GABRA5: variants seen among roughly 807,000 people sequenced by gnomAD.
GABRA5 encodes the protein gamma-aminobutyric acid receptor subunit alpha-5.
Under a neutral mutation model 47.3 loss-of-function variants are expected in GABRA5, and 18 were observed. That is an observed-to-expected ratio of 0.38 (90% CI 0.26 to 0.56). The LOEUF is 0.56. GABRA5 is among the 20% of genes least tolerant of loss of function. GABRA5 has a pLI of 0.71. For missense variants in GABRA5, 365 were observed against 599.3 expected (o/e 0.61, Z 4.08); for synonymous variants, 237 against 229.3 (o/e 1.03, Z -0.30).
intron 6 of GABRA5, among the ~76,000 whole-genome samples, chr15:26,907,197 G>A (rs1893465273): frequency 6.6e-6 from 1 of 152,096 alleles, no homozygotes; most frequent in Admixed American, 6.5e-5. Flanking sequence ...TTAAAAAGGA[G>A]ACACTTTGTT....
chr15:26,882,238 G>A (rs1892745750), intron 4 of GABRA5, among the ~76,000 whole-genome samples: 1 of 152,192 alleles, frequency 6.6e-6, no homozygotes, highest in Non-Finnish European at 1.5e-5. Context: ...CAGTCCTACA[G>A]AGTAGGAGGA....
intron 6 of GABRA5, among the ~76,000 whole-genome samples, chr15:26,889,433 C>T (rs1892952530): frequency 6.6e-6 from 1 of 151,812 alleles, no homozygotes. Context: ...GTATAGCTAG[C>T]TGCAGTCTGT....
At chr15:26,934,651 T>C (rs1431445266) in intron 7 of GABRA5, among the ~76,000 whole-genome samples, 4 of 37,878 alleles carry the variant, frequency 1.1e-4, no homozygotes, top group Non-Finnish European at 2.4e-4. Flanking sequence ...TATTAGGAGA[T>C]GGGGGTTTTT....
At position 26,921,805 on chromosome 15, in the gene GABRA5, C is replaced by T. The variant is rs182867907; in HGVS notation, c.580+6920C>T. On this transcript the variant is annotated intron_variant, in intron 7 of 10. Coordinates refer to ENST00000335625, the MANE Select transcript of GABRA5 (RefSeq NM_000810.4). Reference sequence around the variant, plus strand: ...TAGTCATTGTATTTTCCTTTCATTCCATTAAATGTATTTCTAAATTTCCCT... The same window carrying T: ...TAGTCATTGTATTTTCCTTTCATTCTATTAAATGTATTTCTAAATTTCCCT... 7.3e-3 allele frequency among the ~76,000 whole-genome samples: 1,105 copies of T among 152,074 alleles called. 35 individuals are homozygous for T. The highest frequency in any genetic ancestry group is 3.8e-3 in the Non-Finnish European group (256 of 67,950).
chr15:26,944,968 C>CA (rs1243572368), intron 10 of GABRA5, among the ~76,000 whole-genome samples: 2 of 152,294 alleles, frequency 1.3e-5, no homozygotes, highest in South Asian at 2.1e-4. Context: ...CCGACACTGT[C>CA]AATCACCATG....
At chr15:26,915,132 G>A (rs1265141972) in intron 7 of GABRA5, among the ~76,000 whole-genome samples, 2 of 152,188 alleles carry the variant, frequency 1.3e-5, no homozygotes, top group African/African-American at 2.4e-5. Flanking sequence ...TGAACAATCT[G>A]GAATGTGCCC....
In GABRA5 at chr15:26,948,150, T is replaced by A; in HGVS notation, c.1306T>A (p.Leu436Met). 1 of 1,613,898 alleles carries A rather than the reference T, an allele frequency of 6.2e-7. No individual in the cohort carries two copies. The highest frequency in any genetic ancestry group is 8.5e-7 in the Non-Finnish European group (1 of 1,179,870). Residue 436 changes from leucine (L) to methionine (M), a missense_variant, in exon 11 of 11, where the codon TTG becomes ATG. Leu to Met is a conservative substitution (Grantham distance 15). Around this residue, in one of 3 missense-constraint regions of GABRA5, gnomAD observed 106 missense variants for 130.3 expected, o/e 0.81. Coordinates refer to ENST00000335625, the MANE Select transcript of GABRA5 (RefSeq NM_000810.4). ...DKMSRIVFPV[L>M]FGTFNLVYWA... is the part of the protein sequence containing the mutation. ...AATGTCCCGAATCGTATTCCCAGTC[T>A]TGTTCGGCACTTTCAACTTAGTTTA...
At chr15:26,885,714 G>A (rs1206270430) in intron 6 of GABRA5, among the ~76,000 whole-genome samples, 1 of 152,304 alleles carries the variant, frequency 6.6e-6, no homozygotes, top group East Asian at 1.9e-4. Flanking sequence ...TAAGTCCTTA[G>A]CCATCAGTCC....
At chr15:26,903,354 A>G (rs1434166985) in intron 6 of GABRA5, among the ~76,000 whole-genome samples, 1 of 152,014 alleles carries the variant, frequency 6.6e-6, no homozygotes, top group African/African-American at 2.4e-5. Flanking sequence ...ATTGATTCTA[A>G]CTTTGATGGG....
At chr15:26,947,311 C>T (rs114596148) in intron 10 of GABRA5, among the ~76,000 whole-genome samples, 2,638 of 152,256 alleles carry the variant, frequency 0.017, 86 homozygotes, top group African/African-American at 0.061. Flanking sequence ...TTTTGTCACC[C>T]AGGTACTAAG....
At chr15:26,886,483 G>A (rs1039871950) in intron 6 of GABRA5, among the ~76,000 whole-genome samples, 2 of 152,152 alleles carry the variant, frequency 1.3e-5, no homozygotes, top group African/African-American at 4.8e-5. Context: ...CAGACACAGC[G>A]TCCTTCAGCC....
At chr15:26,908,260 C>T (rs1307154109) in intron 6 of GABRA5, among the ~76,000 whole-genome samples, 1 of 152,064 alleles carries the variant, frequency 6.6e-6, no homozygotes, top group Non-Finnish European at 1.5e-5. Flanking sequence ...CCAAGACGCC[C>T]CACTCATAGC....
intron 7 of GABRA5, among the ~76,000 whole-genome samples, chr15:26,915,436 A>T (rs1893697021): frequency 6.6e-6 from 1 of 152,246 alleles, no homozygotes; most frequent in Non-Finnish European, 1.5e-5. Flanking sequence ...CTATAGGTAT[A>T]CACTTATACA....
At chr15:26,927,282 TTTTGTA>T (rs1189836262) in intron 7 of GABRA5, among the ~76,000 whole-genome samples, 1 of 151,326 alleles carries the variant, frequency 6.6e-6, no homozygotes, top group Non-Finnish European at 1.5e-5. Flanking sequence ...TTTTTTTTTT[TTTTGTA>T]TTTTTAGTAG....
chr15:26,893,366 A>AGTATGTGTGTATAGTGTGTGT (rs1893074914), intron 6 of GABRA5, among the ~76,000 whole-genome samples: 3 of 1,608 alleles, frequency 1.9e-3, no homozygotes, highest in Non-Finnish European at 2.4e-3. Flanking sequence ...TATGGTGTGT[A>AGTATGTGTGTATAGTGTGTGT]GCGTGTGGCG....
intron 6 of GABRA5, 91 bp from the exon 7 acceptor site, chr15:26,914,712 T>A (rs995526249): frequency 3.2e-6 from 3 of 926,792 alleles, no homozygotes; most frequent in Non-Finnish European, 5.3e-6. Context: ...TTTTTAAAAG[T>A]ACTTAATATG....
At chr15:26,870,036 G>A (rs878871499) in intron 3 of GABRA5, among the ~76,000 whole-genome samples, 10 of 152,030 alleles carry the variant, frequency 6.6e-5, no homozygotes, top group Admixed American at 2.6e-4. Flanking sequence ...GTTCTGACCC[G>A]TGCCCTAGAA....
chr15:26,889,105 C>A (rs984709396), intron 6 of GABRA5, among the ~76,000 whole-genome samples: 1 of 152,230 alleles, frequency 6.6e-6, no homozygotes, highest in African/African-American at 2.4e-5. Flanking sequence ...CACTGAATAC[C>A]GCTCTGCATC....
intron 8 of GABRA5, among the ~76,000 whole-genome samples, chr15:26,939,022 C>A (rs8036240): frequency 0.048 from 7,267 of 152,232 alleles, 571 homozygotes; most frequent in African/African-American, 0.16. Context: ...GATGGAGCCC[C>A]CAAAGCCTGT....
Sources: allele counts gnomAD v4.1 joint callset (sites outside exome capture counted in the v4.1 genomes callset), GRCh38; gene constraint gnomAD v4.1.1; regional missense constraint gnomAD v4.1.1; transcripts MANE v1.5; gene names NCBI Gene and HGNC (gene_info 2026-07-23, HGNC 2026-07-21).